SNTG1: variants seen among roughly 807,000 people sequenced by gnomAD.
SNTG1 encodes the protein syntrophin gamma 1, also known as gamma-1-syntrophin.
In SNTG1, 39 loss-of-function variants were observed where a neutral mutation model predicts 74.7. The ratio of observed to expected loss-of-function variants is 0.52; its 90% CI spans 0.40 to 0.68. The LOEUF (loss-of-function observed/expected upper bound fraction) is 0.68. Ranked by LOEUF, SNTG1 falls within the 30% of genes least tolerant of loss-of-function variation. SNTG1 has a pLI of 0.00. For synonymous variants in SNTG1, 254 were observed against 217.1 expected (o/e 1.17, Z -1.49); for missense variants, 685 against 609.5 (o/e 1.12, Z -1.30).
chr8:50,013,407 C>A (rs1281568997), intron 1 of SNTG1, among the ~76,000 whole-genome samples: 2 of 151,798 alleles, frequency 1.3e-5, no homozygotes, highest in African/African-American at 4.8e-5. Flanking sequence ...TTGATTCCTC[C>A]TTTATTTTGT....
intron 18 of SNTG1, among the ~76,000 whole-genome samples, chr8:50,788,517 G>C (rs926547140): frequency 6.6e-6 from 1 of 151,894 alleles, no homozygotes; most frequent in South Asian, 2.1e-4. Context: ...TTATTGGAAC[G>C]CTAAGCGTGT....
At chr8:50,671,222 A>G (rs993258016) in intron 15 of SNTG1, among the ~76,000 whole-genome samples, 9 of 152,026 alleles carry the variant, frequency 5.9e-5, no homozygotes, top group African/African-American at 2.2e-4. Context: ...GAGCTTCTGC[A>G]CAGCAAAAGA....
At chr8:50,468,291 CAT>C (rs1398862119) in intron 8 of SNTG1, among the ~76,000 whole-genome samples, 1 of 152,008 alleles carries the variant, frequency 6.6e-6, no homozygotes, top group African/African-American at 2.4e-5. Context: ...TTTTGCCACA[CAT>C]ATAATAACAT....
At chr8:50,615,491 C>T (rs566317606) in intron 13 of SNTG1, among the ~76,000 whole-genome samples, 1 of 152,204 alleles carries the variant, frequency 6.6e-6, no homozygotes, top group East Asian at 1.9e-4. Context: ...GGAAGCATAA[C>T]CGAATACAGA....
intron 1 of SNTG1, among the ~76,000 whole-genome samples, chr8:49,979,729 G>A (rs1465272036): frequency 3.9e-5 from 6 of 152,180 alleles, no homozygotes; most frequent in African/African-American, 1.4e-4. Flanking sequence ...CTCCCTGCCC[G>A]CCCTCGGAGC....
chr8:50,612,323 C>A (rs902552109), intron 13 of SNTG1, among the ~76,000 whole-genome samples: 1 of 152,082 alleles, frequency 6.6e-6, no homozygotes, highest in African/African-American at 2.4e-5. Flanking sequence ...TTAAAAATGT[C>A]TTTAGATCTA....
At chr8:50,665,508 C>T (rs1226721597) in intron 15 of SNTG1, among the ~76,000 whole-genome samples, 1 of 151,980 alleles carries the variant, frequency 6.6e-6, no homozygotes, top group Non-Finnish European at 1.5e-5. Flanking sequence ...TAGCAAGGAG[C>T]ACACTCAGCA....
chr8:50,645,676 G>A (rs1026851952), intron 13 of SNTG1, among the ~76,000 whole-genome samples: 1 of 152,176 alleles, frequency 6.6e-6, no homozygotes, highest in African/African-American at 2.4e-5. Flanking sequence ...AGAGGACTAA[G>A]GACTGTGTGC....
Position 50,600,673 on chromosome 8 carries a change from CTTCT to C in SNTG1, c.849+9763_849+9766del, listed in dbSNP as rs1028575325. Among the ~76,000 whole-genome samples the C allele has an allele frequency of 5.3e-5, 8 of 151,592 alleles. No homozygotes were observed. In the South Asian group the frequency reaches 1.0e-3, roughly 20 times the overall value. ...CATCTCTAATTTTATTTATTTGGTT[CTTCT>C]TTCTTTTTTTCTTAGTTTTGGTAAA... On this transcript the variant is annotated intron_variant, in intron 13 of 18. Coordinates refer to ENST00000642720, the MANE Select transcript of SNTG1 (RefSeq NM_018967.5).
chr8:50,679,117 T>C (rs967924798), intron 15 of SNTG1, among the ~76,000 whole-genome samples: 3 of 152,104 alleles, frequency 2.0e-5, no homozygotes, highest in Non-Finnish European at 4.4e-5. Flanking sequence ...TAACAGCCTG[T>C]GGGCTTCATA....
At chr8:50,574,019 T>G (rs1041167618) in intron 12 of SNTG1, among the ~76,000 whole-genome samples, 1 of 152,024 alleles carries the variant, frequency 6.6e-6, no homozygotes, top group East Asian at 1.9e-4. Flanking sequence ...TGGAAAAATA[T>G]ATATGATATT....
At chr8:50,751,795 T>C (rs750891785) in intron 17 of SNTG1, among the ~76,000 whole-genome samples, 3 of 152,062 alleles carry the variant, frequency 2.0e-5, no homozygotes, top group Non-Finnish European at 4.4e-5. Context: ...AATTATTTCA[T>C]GGATAAAATA....
chr8:50,275,687 C>T (rs1028494039), intron 2 of SNTG1, among the ~76,000 whole-genome samples: 3 of 152,118 alleles, frequency 2.0e-5, no homozygotes, highest in Non-Finnish European at 2.9e-5. Context: ...CCCCAGGCAC[C>T]TTTACCTTCA....
intron 1 of SNTG1, among the ~76,000 whole-genome samples, chr8:49,928,775 T>A (rs901534852): frequency 6.6e-6 from 1 of 152,084 alleles, no homozygotes; most frequent in African/African-American, 2.4e-5. Context: ...AAAATAATAT[T>A]TTTTAAATCA....
intron 2 of SNTG1, among the ~76,000 whole-genome samples, chr8:50,232,250 CTG>C (rs1450432838): frequency 2.0e-4 from 30 of 151,350 alleles, no homozygotes; most frequent in Non-Finnish European, 1.3e-4. Context: ...GAAATATACA[CTG>C]TGACCAAGGG....
chr8:50,631,147 T>C (rs1480714769), intron 13 of SNTG1, among the ~76,000 whole-genome samples: 1 of 152,236 alleles, frequency 6.6e-6, no homozygotes, highest in Non-Finnish European at 1.5e-5. Flanking sequence ...CCAGATGTAA[T>C]TCTTATGGTA....
intron 11 of SNTG1, 70 bp from the exon 12 acceptor site, chr8:50,552,978 CAG>C: frequency 6.4e-7 from 1 of 1,557,034 alleles, no homozygotes; most frequent in Non-Finnish European, 8.8e-7. Flanking sequence ...AGCTTTTCAA[CAG>C]ATACTATTAC....
At chr8:50,192,831 G>T (rs2083624453) in intron 2 of SNTG1, among the ~76,000 whole-genome samples, 1 of 152,066 alleles carries the variant, frequency 6.6e-6, no homozygotes. Flanking sequence ...TTTGTATAAG[G>T]TGAGAGATGA....
At chr8:50,732,565 CAT>C (rs2095515468) in intron 17 of SNTG1, among the ~76,000 whole-genome samples, 1 of 151,862 alleles carries the variant, frequency 6.6e-6, no homozygotes, top group Admixed American at 6.6e-5. Context: ...AGGTGTTTAA[CAT>C]ATTCCTTTAC....
Sources: allele counts gnomAD v4.1 joint callset (sites outside exome capture counted in the v4.1 genomes callset), GRCh38; gene constraint gnomAD v4.1.1; transcripts MANE v1.5; gene names NCBI Gene and HGNC (gene_info 2026-07-23, HGNC 2026-07-21).